The following RAI2 variants were observed in gnomAD, a reference collection of about 807,000 sequenced individuals.
The protein encoded by RAI2 is retinoic acid-induced protein 2.
In RAI2, 5 loss-of-function variants were observed where a neutral mutation model predicts 15.3. The observed-to-expected ratio is 0.33, with a 90% CI of 0.17 to 0.69. The LOEUF is 0.69. Among genes scored for constraint, RAI2 ranks in the 30% least tolerant of loss-of-function variants. The probability of loss-of-function intolerance (pLI) is 0.69; values close to 1 mark genes in which losing one functional copy is unlikely to be tolerated. For synonymous variants in RAI2, 191 were observed against 184.0 expected (o/e 1.04, Z -0.31); for missense variants, 424 against 424.7 (o/e 1.00, Z 0.01).
intron 1 of RAI2, among the ~76,000 whole-genome samples, chrX:17,806,879 C>T (rs2066987077): frequency 9.1e-6 from 1 of 110,231 alleles, no homozygotes; most frequent in African/African-American, 3.3e-5. Context: ...AGGTGCCACA[C>T]ACTTTTAAAC....
chrX:17,830,813 C>CAAAG (rs1007038645), intron 1 of RAI2, among the ~76,000 whole-genome samples: 2 of 111,582 alleles, frequency 1.8e-5, no homozygotes, highest in African/African-American at 6.5e-5. Flanking sequence ...TGGGAACCTC[C>CAAAG]AAAGGGTCAG....
chrX:17,856,936 G>A (rs777954375), intron 1 of RAI2, among the ~76,000 whole-genome samples: 8 of 111,414 alleles, frequency 7.2e-5, no homozygotes, highest in Non-Finnish European at 1.1e-4. Context: ...TAACCTGGCC[G>A]CCAAAATCAG....
intron 1 of RAI2, among the ~76,000 whole-genome samples, chrX:17,838,147 G>A (rs1167287633): frequency 3.6e-5 from 4 of 112,398 alleles, no homozygotes; most frequent in Non-Finnish European, 5.6e-5. Flanking sequence ...TACCGATACC[G>A]AAGTAAGAAT....
intron 1 of RAI2, among the ~76,000 whole-genome samples, chrX:17,831,543 G>A (rs1010481153): frequency 9.0e-6 from 1 of 111,483 alleles, no homozygotes; most frequent in Non-Finnish European, 1.9e-5. Context: ...ATTAACCCCA[G>A]AACATCATCT....
At chrX:17,846,286 C>T (rs769586737) in intron 1 of RAI2, among the ~76,000 whole-genome samples, 32 of 111,109 alleles carry the variant, frequency 2.9e-4, no homozygotes, top group African/African-American at 1.0e-3. Flanking sequence ...CAGGACTGTC[C>T]GAGTTTTAAA....
In RAI2 at chrX:17,801,312, C is replaced by A; in HGVS notation, c.699G>T (p.Pro233=). Residue 233 remains proline (P), a synonymous_variant, in exon 2 of 2, where the codon CCG becomes CCT. Coordinates refer to ENST00000451717, the MANE Select transcript of RAI2 (RefSeq NM_021785.6). Reference sequence around the variant, plus strand: ...CAGGCAAGGGGACGATTACAGGATACGGCACCAAGAGGGTGGCTGGTGGGA... The same window carrying A: ...CAGGCAAGGGGACGATTACAGGATAAGGCACCAAGAGGGTGGCTGGTGGGA... ...PLVPPATLLV[P]YPVIVPLPVP... is the part of the protein sequence containing the mutation. 1 of 1,170,304 alleles carries A rather than the reference C, an allele frequency of 8.5e-7. No individual in the cohort carries two copies. The highest frequency in any genetic ancestry group is 1.1e-6 in the Non-Finnish European group (1 of 875,423).
chrX:17,805,994 C>A (rs1394937144), intron 1 of RAI2, among the ~76,000 whole-genome samples: 1 of 112,316 alleles, frequency 8.9e-6, no homozygotes, highest in Non-Finnish European at 1.9e-5. Flanking sequence ...GCAAGCACCC[C>A]ACTCTGACTC....
intron 1 of RAI2, among the ~76,000 whole-genome samples, chrX:17,832,626 G>A (rs190632474): frequency 1.3e-3 from 142 of 112,398 alleles, no homozygotes; most frequent in African/African-American, 4.4e-3. Context: ...GTGTCCCTGA[G>A]TCTGCCCAAA....
intron 1 of RAI2, among the ~76,000 whole-genome samples, chrX:17,810,889 CTTA>C (rs970640673): frequency 1.8e-5 from 2 of 112,853 alleles, no homozygotes; most frequent in Admixed American, 9.3e-5. Context: ...GCATGCATCT[CTTA>C]TTCCTCCAAC....
chrX:17,838,597 C>T (rs2067361584), intron 1 of RAI2, among the ~76,000 whole-genome samples: 1 of 109,538 alleles, frequency 9.1e-6, no homozygotes, highest in Admixed American at 9.8e-5. Flanking sequence ...GTCTTTGGTG[C>T]GCAACATGAA....
At chrX:17,809,429 G>A (rs1213914999) in intron 1 of RAI2, among the ~76,000 whole-genome samples, 1 of 111,669 alleles carries the variant, frequency 9.0e-6, no homozygotes, top group Non-Finnish European at 1.9e-5. Context: ...TAAACAGCAG[G>A]AGGGCCCAAG....
chrX:17,818,472 A>G (rs2147232572), intron 1 of RAI2, among the ~76,000 whole-genome samples: 1 of 107,278 alleles, frequency 9.3e-6, no homozygotes, highest in East Asian at 3.0e-4. Context: ...CTTCATCTCC[A>G]TCAATACTCA....
chrX:17,800,936 T>G lies in RAI2; in HGVS notation c.1075A>C (p.Thr359Pro), dbSNP rs1413158165. The change falls in exon 2 of 2, where the codon ACA becomes CCA. Residue 359 changes from threonine to proline, a missense_variant. Thr to Pro is a conservative substitution (Grantham distance 38). Coordinates refer to ENST00000451717, the MANE Select transcript of RAI2 (RefSeq NM_021785.6). ...AHRKSEPPPE[T>P]LYDSGASVDS... Reference sequence around the variant, plus strand: ...ACTGATGCACCACTGTCATACAGTGTCTCAGGGGGAGGCTCGGATTTCCGG... The same window carrying G: ...ACTGATGCACCACTGTCATACAGTGGCTCAGGGGGAGGCTCGGATTTCCGG... 1 of 1,210,648 alleles carries G rather than the reference T, an allele frequency of 8.3e-7. No homozygotes were observed. The highest frequency in any genetic ancestry group is 1.1e-6 in the Non-Finnish European group (1 of 894,823).
rs375670391 is a variant in RAI2 at position 17,801,654 on chromosome X, G to A, written c.357C>T (p.Pro119=). The A allele has an allele frequency of 1.8e-4, 223 of 1,210,069 alleles. No homozygotes were observed. The highest frequency in any genetic ancestry group is 2.3e-4 in the Non-Finnish European group (206 of 895,201). ...GCTCCAGCACCACGGGCAGTTGCAC[G>A]GGGCCCTGGGTGGTCATGACGTAGG... ...NATYVMTTQG[P]VQLPVVLEQH... Residue 119 remains proline, a synonymous_variant, in exon 2 of 2, where the codon CCC becomes CCT. Transcript: ENST00000451717.
chrX:17,817,727 C>A (rs2067122538), intron 1 of RAI2, among the ~76,000 whole-genome samples: 1 of 112,390 alleles, frequency 8.9e-6, no homozygotes, highest in Admixed American at 9.3e-5. Context: ...GAGGAATCTG[C>A]TAGGACTGCA....
At chrX:17,803,950 C>A (rs200609870) in intron 1 of RAI2, among the ~76,000 whole-genome samples, 340 of 96,039 alleles carry the variant, frequency 3.5e-3, no homozygotes, top group African/African-American at 0.013. Flanking sequence ...TTTTTTTTTT[C>A]TTTTTTCTTC....
At chrX:17,843,674 G>A (rs187901716) in intron 1 of RAI2, among the ~76,000 whole-genome samples, 1 of 112,164 alleles carries the variant, frequency 8.9e-6, no homozygotes, top group Non-Finnish European at 1.9e-5. Context: ...TCTATTTCCT[G>A]CTAGAAATAT....
rs775376387 is a variant in RAI2 at position 17,801,183 on chromosome X, A to G, written c.828T>C (p.Phe276=). 7.4e-6 allele frequency: 9 copies of G among 1,208,924 alleles called. No homozygotes were observed. The highest frequency in any genetic ancestry group is 1.8e-5 in the African/African-American group (1 of 56,863). The change falls in exon 2 of 2, where the codon TTT becomes TTC. Residue 276 remains phenylalanine, a synonymous_variant. Coordinates refer to ENST00000451717, the MANE Select transcript of RAI2 (RefSeq NM_021785.6). The part of the protein sequence containing the change: ...KPPSSFGLHP[F]KGTQTPLEKD... ...TTTCCAGAGGGGTCTGGGTGCCTTT[A>G]AAGGGGTGCAGGCCGAAGGAAGATG...
At chrX:17,833,498 G>T (rs2067304543) in intron 1 of RAI2, among the ~76,000 whole-genome samples, 1 of 111,729 alleles carries the variant, frequency 9.0e-6, no homozygotes, top group Admixed American at 9.5e-5. Flanking sequence ...CTCCAGCCTG[G>T]GTGACAGAGT....
Sources: allele counts gnomAD v4.1 joint callset (sites outside exome capture counted in the v4.1 genomes callset), GRCh38; gene constraint gnomAD v4.1.1; transcripts MANE v1.5; gene names NCBI Gene and HGNC (gene_info 2026-07-23, HGNC 2026-07-21).